SRGAP1: variants seen among roughly 807,000 people sequenced by gnomAD.
The protein encoded by SRGAP1 is SLIT-ROBO Rho GTPase-activating protein 1.
Under a neutral mutation model 121.9 loss-of-function variants are expected in SRGAP1, and 43 were observed. The observed-to-expected ratio is 0.35, with a 90% CI of 0.28 to 0.46. The LOEUF is 0.46. Ranked by LOEUF, SRGAP1 falls within the 20% of genes least tolerant of loss-of-function variation. The pLI, the probability that SRGAP1 is intolerant of heterozygous loss-of-function variation, is 1.00. For synonymous variants in SRGAP1, 447 were observed against 485.4 expected (o/e 0.92, Z 1.04); for missense variants, 1,102 against 1,350.9 (o/e 0.82, Z 2.89).
At chr12:64,008,694 A>C (rs894107932) in intron 3 of SRGAP1, among the ~76,000 whole-genome samples, 1 of 152,138 alleles carries the variant, frequency 6.6e-6, no homozygotes, top group Non-Finnish European at 1.5e-5. Context: ...CATAGGAGAC[A>C]CTTAGTAAAA....
At chr12:64,079,495 ATATT>A (rs997295372) in intron 9 of SRGAP1, among the ~76,000 whole-genome samples, 2 of 148,178 alleles carry the variant, frequency 1.3e-5, no homozygotes, top group Non-Finnish European at 3.0e-5. Context: ...ATATTTATAT[ATATT>A]TATATATGTT....
Position 63,983,959 on chromosome 12 carries a change from A to G in SRGAP1, c.80A>G (p.Gln27Arg). ...CTTCTCTCCTTAGAAATTCGAGCTC[A>G]ACTGGTAGAACAACAAAAATGCCTG... ...YESQVKEIRAQLVEQQKCLEQ... is the reference protein window; with the variant it reads ...YESQVKEIRARLVEQQKCLEQ... The change falls in exon 2 of 22, where the codon CAA (glutamine) becomes CGA (arginine). Residue 27 changes from glutamine to arginine, a missense_variant. Coordinates refer to ENST00000355086, the MANE Select transcript of SRGAP1 (RefSeq NM_020762.4). The G allele has an allele frequency of 6.6e-7, 1 of 1,517,416 alleles. No individual in the cohort carries two copies. The highest frequency in any genetic ancestry group is 8.9e-7 in the Non-Finnish European group (1 of 1,122,204). The allele number at this position is 1,517,416 out of a possible 1,614,324, so 94.0% of individuals were successfully genotyped here. A position where few individuals can be genotyped will look rare whatever the true frequency, so the allele number is the denominator to read the frequency against.
intron 1 of SRGAP1, among the ~76,000 whole-genome samples, chr12:63,927,182 C>G (rs1211402731): frequency 6.6e-6 from 1 of 152,132 alleles, no homozygotes; most frequent in Non-Finnish European, 1.5e-5. Flanking sequence ...TGAATAGATT[C>G]TACTCCCATG....
chr12:63,904,169 A>G (rs1448380195), intron 1 of SRGAP1, among the ~76,000 whole-genome samples: 1 of 152,098 alleles, frequency 6.6e-6, no homozygotes, highest in African/African-American at 2.4e-5. Flanking sequence ...TTGTACACCA[A>G]CAACTATGCT....
At chr12:63,944,131 CTT>C (rs2031959290) in intron 1 of SRGAP1, among the ~76,000 whole-genome samples, 2 of 152,112 alleles carry the variant, frequency 1.3e-5, no homozygotes, top group East Asian at 3.9e-4. Flanking sequence ...TCTCATAACT[CTT>C]TTCGGGAAGG....
At chr12:63,860,603 G>A (rs139628751) in intron 1 of SRGAP1, among the ~76,000 whole-genome samples, 1,638 of 152,120 alleles carry the variant, frequency 0.011, 11 homozygotes, top group Non-Finnish European at 0.018. Flanking sequence ...TCCTTTTATC[G>A]TCTTAATCTC....
At chr12:63,978,453 A>T (rs902088286) in intron 1 of SRGAP1, among the ~76,000 whole-genome samples, 14 of 152,102 alleles carry the variant, frequency 9.2e-5, no homozygotes, top group Non-Finnish European at 2.9e-5. Flanking sequence ...ATAGGAATGA[A>T]ATTATAGACT....
chr12:63,970,897 G>A (rs2032928050), intron 1 of SRGAP1, among the ~76,000 whole-genome samples: 1 of 152,082 alleles, frequency 6.6e-6, no homozygotes, highest in South Asian at 2.1e-4. Flanking sequence ...TAACTAAGTT[G>A]AAGCATTTCC....
At chr12:64,055,927 G>A (rs1215978579) in intron 6 of SRGAP1, among the ~76,000 whole-genome samples, 1 of 151,968 alleles carries the variant, frequency 6.6e-6, no homozygotes, top group Non-Finnish European at 1.5e-5. Context: ...ATCTTCCTGG[G>A]CTCCAGATTT....
intron 1 of SRGAP1, among the ~76,000 whole-genome samples, chr12:63,864,373 C>T (rs571724471): frequency 4.6e-5 from 7 of 152,200 alleles, no homozygotes; most frequent in Admixed American, 1.3e-4. Context: ...TTTCAGATAC[C>T]ATATAACACT....
In SRGAP1 at chr12:64,127,960, C is replaced by G. The variant is rs60101570; in HGVS notation, c.2640C>G (p.Ser880=). 1 of 1,614,234 alleles carries G rather than the reference C, an allele frequency of 6.2e-7. No homozygotes were observed. The highest frequency in any genetic ancestry group is 8.5e-7 in the Non-Finnish European group (1 of 1,180,036). ...PLHPPHALSN[S]SVDLGSPSLA... ...ACCCTCCACATGCCCTTTCTAACTC[C>G]TCAGTTGACCTAGGGTCCCCAAGCC... Residue 880 remains serine (S), a synonymous_variant, in exon 21 of 22, where the codon TCC becomes TCG. Transcript: ENST00000355086.
At chr12:64,136,594 G>A (rs1181656759) in intron 21 of SRGAP1, among the ~76,000 whole-genome samples, 5 of 152,180 alleles carry the variant, frequency 3.3e-5, no homozygotes, top group African/African-American at 1.2e-4. Context: ...AAATGTCCAA[G>A]CTATTTTGAG....
chr12:64,112,127 T>G (rs2036439488), intron 17 of SRGAP1, 141 bp downstream of exon 17: 1 of 676,480 alleles, frequency 1.5e-6, no homozygotes, highest in Non-Finnish European at 2.5e-6. Flanking sequence ...TGAAATAAAT[T>G]TTTAGAATAC....
chr12:64,066,419 T>C (rs1347285878), intron 8 of SRGAP1, among the ~76,000 whole-genome samples: 2 of 152,172 alleles, frequency 1.3e-5, no homozygotes, highest in Non-Finnish European at 2.9e-5. Context: ...TGATTGAGAA[T>C]TCCAACAGAA....
intron 8 of SRGAP1, among the ~76,000 whole-genome samples, chr12:64,072,840 G>A (rs1763501919): frequency 1.3e-5 from 2 of 152,114 alleles, no homozygotes; most frequent in South Asian, 4.2e-4. Flanking sequence ...GTAATGTCCT[G>A]GTAACACAAA....
intron 4 of SRGAP1, among the ~76,000 whole-genome samples, chr12:64,035,167 G>A (rs1362859442): frequency 2.6e-5 from 4 of 152,088 alleles, no homozygotes; most frequent in African/African-American, 9.7e-5. Flanking sequence ...GTATGTTAAG[G>A]GCTGGCTTCT....
chr12:64,000,277 A>T lies in SRGAP1; in HGVS notation c.426+10205A>T, dbSNP rs200249193. Among the ~76,000 whole-genome samples the T allele has an allele frequency of 3.4e-3, 282 of 83,420 alleles. 2 individuals carry two copies. Among genetic ancestry groups the T allele is most frequent in the East Asian group, 5.7e-3 (22 of 3,830 alleles). The allele number at this position is 83,420 out of a possible 152,430, so 54.7% of individuals were successfully genotyped here. ...GTGTGTGTGTGTGTGTGTGTGTGTA[A>T]AAAAAAAAAACCAGGATGTTAGGAC... On this transcript the variant is annotated intron_variant, in intron 3 of 21. Coordinates refer to ENST00000355086, the MANE Select transcript of SRGAP1 (RefSeq NM_020762.4).
At chr12:63,980,029 G>A (rs139572867) in intron 1 of SRGAP1, among the ~76,000 whole-genome samples, 4 of 152,332 alleles carry the variant, frequency 2.6e-5, no homozygotes, top group South Asian at 2.1e-4. Flanking sequence ...GTGTGGGGCC[G>A]AGTGCACCAT....
intron 1 of SRGAP1, among the ~76,000 whole-genome samples, chr12:63,911,028 G>A (rs570178093): frequency 9.2e-5 from 14 of 152,080 alleles, no homozygotes; most frequent in African/African-American, 1.2e-4. Context: ...GGCCAGGTGC[G>A]GTGGCTCATG....
Sources: gnomAD v4.1 joint callset for allele counts (sites outside exome capture counted in the v4.1 genomes callset) on GRCh38, gnomAD v4.1.1 for gene constraint, MANE v1.5 for transcripts, NCBI Gene and HGNC (gene_info 2026-07-23, HGNC 2026-07-21) for gene names.